GPC3: variants seen among roughly 807,000 people sequenced by gnomAD.
GPC3 encodes the protein glypican 3.
Under a neutral mutation model 34.4 loss-of-function variants are expected in GPC3, and 3 were observed. That is an observed-to-expected ratio of 0.09 (90% confidence interval 0.04 to 0.23). The LOEUF (loss-of-function observed/expected upper bound fraction) is 0.23. GPC3 is among the 10% of genes least tolerant of loss of function. The pLI is 1.00. For missense variants in GPC3, 351 were observed against 445.6 expected (o/e 0.79, Z 1.91); for synonymous variants, 177 against 174.0 (o/e 1.02, Z -0.13).
At chrX:133,744,990 C>T (rs1228391347) in intron 3 of GPC3, among the ~76,000 whole-genome samples, 1 of 109,574 alleles carries the variant, frequency 9.1e-6, no homozygotes, top group East Asian at 2.9e-4. Flanking sequence ...GGGAGGGGAA[C>T]ATCACACACC....
chrX:133,719,697 T>C (rs1024174839), intron 3 of GPC3, among the ~76,000 whole-genome samples: 4 of 111,987 alleles, frequency 3.6e-5, no homozygotes. Context: ...AGAAGGACTT[T>C]AAACAAAATA....
At chrX:133,716,631 G>A (rs1051193717) in intron 3 of GPC3, among the ~76,000 whole-genome samples, 4 of 111,680 alleles carry the variant, frequency 3.6e-5, no homozygotes, top group Non-Finnish European at 7.5e-5. Context: ...CCTATCTGAG[G>A]AAGATGAAGA....
intron 2 of GPC3, among the ~76,000 whole-genome samples, chrX:133,778,149 C>A (rs1380663127): frequency 9.0e-6 from 1 of 111,635 alleles, no homozygotes; most frequent in Non-Finnish European, 1.9e-5. Context: ...TTTATTATTT[C>A]CCCCCCAAAA....
At chrX:133,679,251 G>A (rs1164710571) in intron 5 of GPC3, among the ~76,000 whole-genome samples, 1 of 111,678 alleles carries the variant, frequency 9.0e-6, no homozygotes, top group Non-Finnish European at 1.9e-5. Context: ...CAGTAATGCT[G>A]TGTTGATTAC....
chrX:133,965,523 G>A (rs934490708), intron 1 of GPC3, among the ~76,000 whole-genome samples: 4 of 111,492 alleles, frequency 3.6e-5, no homozygotes, highest in Non-Finnish European at 7.5e-5. Flanking sequence ...GGAGCCACCA[G>A]AAGCCGGAAG....
intron 2 of GPC3, among the ~76,000 whole-genome samples, chrX:133,791,657 C>A (rs1031902947): frequency 1.8e-5 from 2 of 110,473 alleles, no homozygotes; most frequent in African/African-American, 6.6e-5. Context: ...TTTTCCTGAC[C>A]TCAGTTTTCC....
chrX:133,732,933 C>A (rs1288192098), intron 3 of GPC3, among the ~76,000 whole-genome samples: 3 of 110,839 alleles, frequency 2.7e-5, no homozygotes. Context: ...GTGGCACAAT[C>A]GGCTCACTGC....
intron 5 of GPC3, among the ~76,000 whole-genome samples, chrX:133,686,052 G>C (rs1031411876): frequency 6.2e-5 from 7 of 112,040 alleles, no homozygotes; most frequent in Non-Finnish European, 1.9e-5. Flanking sequence ...CTAAGGCATC[G>C]TGCCACAAAG....
chrX:133,854,679 A>G (rs766929934), intron 2 of GPC3, among the ~76,000 whole-genome samples: 4 of 112,433 alleles, frequency 3.6e-5, no homozygotes, highest in Admixed American at 1.9e-4. Context: ...AAAAAGTTCA[A>G]TCTCATTAGC....
chrX:133,666,924 T>C (rs1411348235), intron 5 of GPC3, among the ~76,000 whole-genome samples: 4 of 112,453 alleles, frequency 3.6e-5, no homozygotes, highest in Admixed American at 2.8e-4. Flanking sequence ...AGGGAGATGC[T>C]AGTGAAATCT....
At chrX:133,630,917 G>C (rs1014644500) in intron 6 of GPC3, among the ~76,000 whole-genome samples, 4 of 111,397 alleles carry the variant, frequency 3.6e-5, no homozygotes, top group Non-Finnish European at 7.5e-5. Context: ...ATAATATATT[G>C]GAAAAAGAGA....
At chrX:133,608,344 T>C (rs1307428785) in intron 6 of GPC3, among the ~76,000 whole-genome samples, 1 of 112,139 alleles carries the variant, frequency 8.9e-6, no homozygotes, top group Non-Finnish European at 1.9e-5. Context: ...AAAACCTGCT[T>C]CAAAGACATC....
chrX:133,565,850 TGA>T (rs1249688714), intron 7 of GPC3, among the ~76,000 whole-genome samples: 1 of 112,372 alleles, frequency 8.9e-6, no homozygotes, highest in Non-Finnish European at 1.9e-5. Flanking sequence ...AGGGAGAGTT[TGA>T]GGAAGAGACA....
intron 2 of GPC3, among the ~76,000 whole-genome samples, chrX:133,886,309 G>C (rs2076061425): frequency 1.0e-5 from 1 of 99,704 alleles, no homozygotes; most frequent in African/African-American, 3.8e-5. Context: ...AGGAGTTCAA[G>C]ACCAGCCTGA....
intron 6 of GPC3, among the ~76,000 whole-genome samples, chrX:133,618,279 C>A (rs1292050427): frequency 2.7e-5 from 3 of 111,528 alleles, no homozygotes; most frequent in East Asian, 5.6e-4. Flanking sequence ...CAAATAGAAG[C>A]AACACTGGCT....
At chrX:133,587,730 T>C (rs2069803931) in intron 7 of GPC3, among the ~76,000 whole-genome samples, 1 of 112,494 alleles carries the variant, frequency 8.9e-6, no homozygotes, top group African/African-American at 3.2e-5. Flanking sequence ...TTATCCTAAA[T>C]GGATATGATG....
chrX:133,798,351 T>C (rs2075592452), intron 2 of GPC3, among the ~76,000 whole-genome samples: 1 of 111,280 alleles, frequency 9.0e-6, no homozygotes, highest in Non-Finnish European at 1.9e-5. Flanking sequence ...CCCCTTCTTT[T>C]TATGCTTTAG....
intron 2 of GPC3, among the ~76,000 whole-genome samples, chrX:133,767,964 TG>T (rs35350716): frequency 6.8e-5 from 5 of 73,563 alleles, no homozygotes; most frequent in African/African-American, 1.1e-4. Flanking sequence ...GGTGGCGGGG[TG>T]GGGGGGTAAA....
chrX:133,752,695 C>T (rs1212231121), intron 3 of GPC3, among the ~76,000 whole-genome samples: 1 of 112,142 alleles, frequency 8.9e-6, no homozygotes, highest in Non-Finnish European at 1.9e-5. Context: ...ACTCACAGAA[C>T]TTCCCTTCCT....
Sources: allele counts gnomAD v4.1 joint callset (sites outside exome capture counted in the v4.1 genomes callset), GRCh38; gene constraint gnomAD v4.1.1; transcripts MANE v1.5; gene names NCBI Gene and HGNC (gene_info 2026-07-23, HGNC 2026-07-21).